Variants in PVALEF observed in about 807,000 individuals in gnomAD.
PVALEF encodes parvalbumin-like EF-hand-containing protein.
A neutral mutation model predicts 1.2 loss-of-function variants in PVALEF; 2 were observed. The ratio of observed to expected loss-of-function variants is 1.68; its 90% CI spans 0.69 to 5.28. The LOEUF is 5.28. PVALEF is among the 30% of genes most tolerant of loss of function. The pLI, the probability that PVALEF is intolerant of heterozygous loss-of-function variation, is 0.06. For synonymous variants in PVALEF, 16 were observed against 6.5 expected (o/e 2.47, Z -2.24); for missense variants, 35 against 17.7 (o/e 1.97, Z -1.75).
intron 2 of PVALEF, among the ~76,000 whole-genome samples, chr17:81,167,947 G>A (rs1009255267): frequency 6.6e-6 from 1 of 152,244 alleles, no homozygotes; most frequent in Non-Finnish European, 1.5e-5. Context: ...CCACCCAGTG[G>A]CAGGGATGGT....
Position 81,183,094 on chromosome 17 carries a change from CG to C in PVALEF, c.*85del. 2.5e-6 allele frequency: 1 copy of C among 398,534 alleles called. No homozygotes were observed. The highest frequency in any genetic ancestry group is 4.4e-6 in the Non-Finnish European group (1 of 226,036). 24.7% of individuals were successfully genotyped at this position (398,534 alleles called of 1,614,324 possible). On this transcript the variant is annotated 3_prime_UTR_variant, in exon 7 of 7. Transcript: ENST00000637878. ...GCACCTGGGCAGAAGCCGTTGGGGC[CG>C]GTAAGAGGCGGCAGCCGTGAGGGTG...
chr17:81,170,942 G>A (rs2061518527), intron 2 of PVALEF, among the ~76,000 whole-genome samples: 1 of 152,148 alleles, frequency 6.6e-6, no homozygotes, highest in African/African-American at 2.4e-5. Flanking sequence ...CCAGGCTGAG[G>A]CAGCAGGGCC....
Position 81,166,780 on chromosome 17 carries a change from A to G in PVALEF, c.-404A>G, listed in dbSNP as rs1400521472. On this transcript the variant is annotated 5_prime_UTR_variant, in exon 2 of 7. Transcript: ENST00000637878. The stretch of plus-strand genomic sequence containing the variant: ...GCTTTGCACACAGGCCTGCTCCTGT[A>G]CCGTGCTGCGACAGCCATGAAGGAA... 6 of 456,376 alleles carry G rather than the reference A, an allele frequency of 1.3e-5. No individual in the cohort carries two copies. The Admixed American group carries it at 1.4e-4, about 11-fold the overall frequency. 28.3% of individuals were successfully genotyped at this position (456,376 alleles called of 1,614,324 possible). A position where few individuals can be genotyped will look rare whatever the true frequency, so the allele number is the denominator to read the frequency against.
At chr17:81,180,026 C>T (rs1322411138) in intron 3 of PVALEF, among the ~76,000 whole-genome samples, 1 of 152,162 alleles carries the variant, frequency 6.6e-6, no homozygotes, top group Non-Finnish European at 1.5e-5. Flanking sequence ...CACTGGGATC[C>T]CATTAAACTC....
At chr17:81,174,253 G>A (rs988057927) in intron 2 of PVALEF, among the ~76,000 whole-genome samples, 9 of 152,128 alleles carry the variant, frequency 5.9e-5, no homozygotes, top group Non-Finnish European at 1.0e-4. Context: ...GTCCACTCTC[G>A]CCACTCCTGT....
intron 2 of PVALEF, among the ~76,000 whole-genome samples, chr17:81,170,017 T>C (rs544835603): frequency 6.6e-6 from 1 of 151,838 alleles, no homozygotes; most frequent in African/African-American, 2.4e-5. Flanking sequence ...TGCATGTGTA[T>C]GTGCATATGT....
Position 81,183,135 on chromosome 17 carries a change from A to C in PVALEF, c.*124A>C. On this transcript the variant is annotated 3_prime_UTR_variant, in exon 7 of 7. Transcript: ENST00000637878. ...CCGTGAGGGTGGACCCAGCTTTTGA[A>C]GGAAAATGGAAGAAAAGCAGCATTA... 1 of 395,688 alleles carries C rather than the reference A, an allele frequency of 2.5e-6. No homozygotes were observed. The highest frequency in any genetic ancestry group is 4.5e-6 in the Non-Finnish European group (1 of 224,286). The allele number at this position is 395,688 out of a possible 1,614,324, so 24.5% of individuals were successfully genotyped here. A position where few individuals can be genotyped will look rare whatever the true frequency, so the allele number is the denominator to read the frequency against.
rs372320610 is a variant in PVALEF at position 81,177,908 on chromosome 17, C to A, written c.-339-1010C>A. 3.9e-5 allele frequency among the ~76,000 whole-genome samples: 6 copies of A among 152,298 alleles called. No individual in the cohort carries two copies. In the South Asian group the frequency reaches 6.2e-4, roughly 16 times the overall value. ...GCTGCTGGGGCCAGGGAGGGCTCAGCCCTTTGGGAAAGTGACCTGGCAGGA... is the reference window on the plus strand; with the variant it reads ...GCTGCTGGGGCCAGGGAGGGCTCAGACCTTTGGGAAAGTGACCTGGCAGGA... On this transcript the variant is annotated intron_variant, in intron 2 of 6. Transcript: ENST00000637878.
rs931647263 is a variant in PVALEF at position 81,179,013 on chromosome 17, C to T, written c.-244C>T. On this transcript the variant is annotated 5_prime_UTR_variant, in exon 3 of 7. Transcript: ENST00000637878. ...GCCCCTGGGAGCTGCCCGTGCCAGG[C>T]TGGAGTGCCGGGGAGGGGCGAGGAC... The T allele has an allele frequency of 6.7e-6, 3 of 447,954 alleles. No individual in the cohort carries two copies. Among genetic ancestry groups the T allele is most frequent in the African/African-American group, 6.0e-5 (3 of 49,848 alleles). The allele number at this position is 447,954 out of a possible 1,614,324, so 27.7% of individuals were successfully genotyped here. A position where few individuals can be genotyped will look rare whatever the true frequency, so the allele number is the denominator to read the frequency against.
intron 2 of PVALEF, among the ~76,000 whole-genome samples, chr17:81,177,525 G>A (rs1448610479): frequency 1.3e-5 from 2 of 151,742 alleles, no homozygotes; most frequent in Non-Finnish European, 2.9e-5. Context: ...CAGCCTGGGT[G>A]ATAGGGTGAT....
intron 3 of PVALEF, among the ~76,000 whole-genome samples, chr17:81,180,093 C>A (rs1216711954): frequency 6.6e-6 from 1 of 152,172 alleles, no homozygotes; most frequent in Non-Finnish European, 1.5e-5. Flanking sequence ...GAGCTCCAGG[C>A]CTGCCTCCCA....
chr17:81,179,025 G>A lies in PVALEF; in HGVS notation c.-232G>A, dbSNP rs1449131800. On this transcript the variant is annotated 5_prime_UTR_variant, in exon 3 of 7. Coordinates refer to ENST00000637878, the MANE Select transcript of PVALEF (RefSeq NM_001354639.2). ...TGCCCGTGCCAGGCTGGAGTGCCGG[G>A]GAGGGGCGAGGACAGCTGCAGCCCC... 8.8e-6 allele frequency: 4 copies of A among 452,158 alleles called. No individual in the cohort carries two copies. In the Admixed American group the frequency reaches 9.5e-5, roughly 11 times the overall value. The allele number at this position is 452,158 out of a possible 1,614,324, so 28.0% of individuals were successfully genotyped here.
At chr17:81,171,629 C>A (rs964120735) in intron 2 of PVALEF, among the ~76,000 whole-genome samples, 7 of 152,064 alleles carry the variant, frequency 4.6e-5, no homozygotes, top group Admixed American at 6.5e-5. Context: ...GTAGCTGGGA[C>A]TACAGGCGCC....
Position 81,183,104 on chromosome 17 carries a change from C to T in PVALEF, c.*93C>T, listed in dbSNP as rs2061560434. The T allele has an allele frequency of 1.8e-5, 7 of 398,438 alleles. No individual in the cohort carries two copies. The highest frequency in any genetic ancestry group is 8.2e-5 in the African/African-American group (4 of 48,732). The allele number at this position is 398,438 out of a possible 1,614,324, so 24.7% of individuals were successfully genotyped here. A position where few individuals can be genotyped will look rare whatever the true frequency, so the allele number is the denominator to read the frequency against. On this transcript the variant is annotated 3_prime_UTR_variant, in exon 7 of 7. Coordinates refer to ENST00000637878, the MANE Select transcript of PVALEF (RefSeq NM_001354639.2). ...AGAAGCCGTTGGGGCCGGTAAGAGG[C>T]GGCAGCCGTGAGGGTGGACCCAGCT...
chr17:81,165,546 GC>G lies in PVALEF; in HGVS notation c.-705del. ...CTGGGAAGAAGCCTCCCACGCCAGG[GC>G]CCCGGACCCAGGAGAGGCCATGGAA... On this transcript the variant is annotated 5_prime_UTR_variant, in exon 1 of 7. Coordinates refer to ENST00000637878, the MANE Select transcript of PVALEF (RefSeq NM_001354639.2). 3 of 981,464 alleles carry G rather than the reference GC, an allele frequency of 3.1e-6. No individual in the cohort carries two copies. Among genetic ancestry groups the G allele is most frequent in the Non-Finnish European group, 4.3e-6 (3 of 700,960 alleles). 60.8% of individuals were successfully genotyped at this position (981,464 alleles called of 1,614,324 possible).
chr17:81,167,147 G>C (rs1036171276), intron 2 of PVALEF, among the ~76,000 whole-genome samples: 5 of 152,218 alleles, frequency 3.3e-5, no homozygotes, highest in African/African-American at 1.2e-4. Flanking sequence ...AGAAAAATGA[G>C]CCAGGCATGG....
intron 4 of PVALEF, 23 bp downstream of exon 4, chr17:81,181,355 G>A (rs1423944459): frequency 2.2e-5 from 14 of 632,296 alleles, no homozygotes; most frequent in Admixed American, 9.3e-5. Flanking sequence ...CCCGCCCGGC[G>A]CGGCCCCCCG....
At position 81,165,586 on chromosome 17, in the gene PVALEF, G is replaced by T; in HGVS notation, c.-669G>T. 2 of 1,325,294 alleles carry T rather than the reference G, an allele frequency of 1.5e-6. No homozygotes were observed. Among genetic ancestry groups the T allele is most frequent in the Non-Finnish European group, 2.0e-6 (2 of 997,020 alleles). The allele number at this position is 1,325,294 out of a possible 1,614,324, so 82.1% of individuals were successfully genotyped here. A position where few individuals can be genotyped will look rare whatever the true frequency, so the allele number is the denominator to read the frequency against. On this transcript the variant is annotated 5_prime_UTR_variant, in exon 1 of 7. Transcript: ENST00000637878. ...GAGGCCATGGAAAGCCTGAACCCCAGCTGGCTGACACCCCCCACACCCCCA... is the reference window on the plus strand; with the variant it reads ...GAGGCCATGGAAAGCCTGAACCCCATCTGGCTGACACCCCCCACACCCCCA...
chr17:81,171,013 G>A (rs1037062326), intron 2 of PVALEF, among the ~76,000 whole-genome samples: 8 of 152,178 alleles, frequency 5.3e-5, no homozygotes, highest in African/African-American at 9.7e-5. Context: ...CCCTTGCCCC[G>A]CAGTTGTTTC....
Sources: allele counts gnomAD v4.1 joint callset (sites outside exome capture counted in the v4.1 genomes callset), GRCh38; gene constraint gnomAD v4.1.1; transcripts MANE v1.5; gene names NCBI Gene and HGNC (gene_info 2026-07-23, HGNC 2026-07-21).